KCNMB2: variants seen among roughly 807,000 people sequenced by gnomAD.
KCNMB2 encodes calcium-activated potassium channel subunit beta-2.
Under a neutral mutation model 24.5 loss-of-function variants are expected in KCNMB2, and 9 were observed. The observed-to-expected ratio is 0.37, with a 90% confidence interval of 0.22 to 0.64. The LOEUF (loss-of-function observed/expected upper bound fraction) is 0.64, where lower values mean the gene tolerates loss of function less well. KCNMB2 is among the 30% of genes least tolerant of loss of function. KCNMB2 has a pLI of 0.63. For missense variants in KCNMB2, 226 were observed against 284.3 expected (o/e 0.79, Z 1.47); for synonymous variants, 109 against 104.4 (o/e 1.04, Z -0.27).
At chr3:178,825,948 G>GA (rs1338106170) in intron 3 of KCNMB2, among the ~76,000 whole-genome samples, 190 bp downstream of exon 3, 1 of 152,026 alleles carries the variant, frequency 6.6e-6, no homozygotes, top group Non-Finnish European at 1.5e-5. Context: ...GTATAATCTG[G>GA]ATACCAGGTG....
At chr3:178,675,962 A>G (rs1217770443) in intron 1 of KCNMB2, among the ~76,000 whole-genome samples, 2 of 152,176 alleles carry the variant, frequency 1.3e-5, no homozygotes, top group African/African-American at 2.4e-5. Flanking sequence ...TGTTCAAAAT[A>G]CTTATTACCC....
At chr3:178,779,505 C>T (rs573577627) in intron 1 of KCNMB2, among the ~76,000 whole-genome samples, 10 of 152,276 alleles carry the variant, frequency 6.6e-5, no homozygotes, top group Middle Eastern at 6.8e-3. Context: ...AAAGTTCAAA[C>T]GTCATAGTCA....
chr3:178,549,588 G>A (rs1715881987), intron 1 of KCNMB2, among the ~76,000 whole-genome samples: 1 of 150,012 alleles, frequency 6.7e-6, no homozygotes, highest in Non-Finnish European at 1.5e-5. Context: ...CAGCCTCCCA[G>A]AGTGCTGGGA....
intron 1 of KCNMB2, among the ~76,000 whole-genome samples, chr3:178,578,559 C>T (rs934752608): frequency 3.3e-5 from 5 of 152,060 alleles, no homozygotes; most frequent in African/African-American, 1.2e-4. Flanking sequence ...AGGCTAAATG[C>T]CCCAGTTAAA....
intron 1 of KCNMB2, among the ~76,000 whole-genome samples, chr3:178,653,052 T>TAA (rs1228996698): frequency 6.6e-6 from 1 of 152,198 alleles, no homozygotes; most frequent in Non-Finnish European, 1.5e-5. Flanking sequence ...AATTAATTGA[T>TAA]ATATTAATTT....
intron 2 of KCNMB2, among the ~76,000 whole-genome samples, chr3:178,814,634 C>A (rs1382921417): frequency 6.6e-6 from 1 of 152,142 alleles, no homozygotes; most frequent in Admixed American, 6.5e-5. Flanking sequence ...CTCAGCCTCA[C>A]CAAGATTTGT....
chr3:178,571,554 T>C (rs924611948), intron 1 of KCNMB2, among the ~76,000 whole-genome samples: 13 of 150,786 alleles, frequency 8.6e-5, no homozygotes, highest in South Asian at 2.1e-4. Context: ...CTGGGATACA[T>C]GTGCAGAACA....
chr3:178,582,044 A>G (rs1717230051), intron 1 of KCNMB2, among the ~76,000 whole-genome samples: 2 of 152,332 alleles, frequency 1.3e-5, no homozygotes, highest in South Asian at 4.1e-4. Context: ...TCATTCCAAT[A>G]TTAAGACACA....
chr3:178,632,909 C>T (rs892914699), intron 1 of KCNMB2, among the ~76,000 whole-genome samples: 3 of 152,188 alleles, frequency 2.0e-5, no homozygotes, highest in Non-Finnish European at 2.9e-5. Flanking sequence ...TGGGTCAATA[C>T]ACCCATTCCA....
At position 178,755,335 on chromosome 3, in the gene KCNMB2, A is replaced by G. The variant is rs188684578; in HGVS notation, c.-67-52008A>G. Among the ~76,000 whole-genome samples, 516 of 152,340 alleles carry G rather than the reference A, an allele frequency of 3.4e-3. 4 individuals carry two copies. The highest frequency in any genetic ancestry group is 4.6e-3 in the Non-Finnish European group (315 of 68,038). ...CAGTTTCATATTATGTTTATTTTCA[A>G]TTACACACCACACTGGGGGTGGGAA... On this transcript the variant is annotated intron_variant, in intron 1 of 4. Coordinates refer to ENST00000452583, the MANE Select transcript of KCNMB2 (RefSeq NM_181361.3).
intron 1 of KCNMB2, among the ~76,000 whole-genome samples, chr3:178,647,002 T>C (rs1719944763): frequency 6.6e-6 from 1 of 152,200 alleles, no homozygotes; most frequent in Non-Finnish European, 1.5e-5. Context: ...TATACTGTAA[T>C]TGAAAATAGA....
intron 1 of KCNMB2, among the ~76,000 whole-genome samples, chr3:178,711,533 A>G (rs1577116931): frequency 1.3e-5 from 2 of 152,122 alleles, no homozygotes; most frequent in Admixed American, 6.6e-5. Context: ...GTCATAAGAC[A>G]CTAAGAACGC....
At chr3:178,614,287 A>ATATATATATGTATG (rs1718616970) in intron 1 of KCNMB2, among the ~76,000 whole-genome samples, 5 of 74,490 alleles carry the variant, frequency 6.7e-5, no homozygotes, top group African/African-American at 1.8e-4. Context: ...ATATATATAT[A>ATATATATATGTATG]TATATATATG....
chr3:178,687,211 G>A (rs1282464623), intron 1 of KCNMB2, among the ~76,000 whole-genome samples: 1 of 152,018 alleles, frequency 6.6e-6, no homozygotes, highest in East Asian at 1.9e-4. Flanking sequence ...AATAAAGGCA[G>A]TGCCATTTAA....
intron 1 of KCNMB2, among the ~76,000 whole-genome samples, chr3:178,619,876 C>G (rs1396773196): frequency 2.6e-5 from 4 of 152,096 alleles, no homozygotes. Flanking sequence ...ATAAGAGCTT[C>G]CTCATTCTTA....
intron 2 of KCNMB2, among the ~76,000 whole-genome samples, chr3:178,811,262 T>TA (rs1363572460): frequency 2.0e-5 from 3 of 152,308 alleles, no homozygotes; most frequent in African/African-American, 4.8e-5. Flanking sequence ...TCATTCAGTT[T>TA]AAAAAACAAA....
intron 1 of KCNMB2, among the ~76,000 whole-genome samples, chr3:178,598,905 C>A (rs1412687499): frequency 1.3e-5 from 2 of 152,082 alleles, no homozygotes; most frequent in Non-Finnish European, 2.9e-5. Flanking sequence ...ATACTCAGAA[C>A]CCAACCCAAA....
chr3:178,626,167 T>C (rs1480876102), intron 1 of KCNMB2, among the ~76,000 whole-genome samples: 2 of 152,152 alleles, frequency 1.3e-5, no homozygotes, highest in East Asian at 1.9e-4. Flanking sequence ...CCTTGTGTAG[T>C]ATAAGAGATC....
At chr3:178,838,447 G>A (rs1257023638) in intron 4 of KCNMB2, among the ~76,000 whole-genome samples, 1 of 152,012 alleles carries the variant, frequency 6.6e-6, no homozygotes, top group Non-Finnish European at 1.5e-5. Flanking sequence ...ACCAGACCTT[G>A]CTACAAGAAC....
Sources: allele counts gnomAD v4.1 joint callset (sites outside exome capture counted in the v4.1 genomes callset), GRCh38; gene constraint gnomAD v4.1.1; transcripts MANE v1.5; gene names NCBI Gene and HGNC (gene_info 2026-07-23, HGNC 2026-07-21).